The following ZNF331 variants were observed in gnomAD, a reference collection of about 807,000 sequenced individuals.
ZNF331 encodes the protein C2H2-like zinc finger protein rearranged in thyroid adenomas.
A neutral mutation model predicts 7.0 loss-of-function variants in ZNF331; 2 were observed. The observed-to-expected ratio is 0.29, with a 90% CI of 0.12 to 0.90. The LOEUF is 0.90. ZNF331 is among the 40% of genes least tolerant of loss of function. The probability of loss-of-function intolerance (pLI) is 0.58; values close to 1 mark genes in which losing one functional copy is unlikely to be tolerated. For missense variants in ZNF331, 432 were observed against 587.7 expected, an observed-to-expected ratio of 0.74 and a Z score of 2.74; for synonymous variants, 196 against 205.4, an observed-to-expected ratio of 0.95 and a Z score of 0.39.
chr19:53,551,111 T>A (rs2088979627), intron 2 of ZNF331, among the ~76,000 whole-genome samples: 1 of 151,946 alleles, frequency 6.6e-6, no homozygotes, highest in East Asian at 1.9e-4. Flanking sequence ...GATTACAGGC[T>A]TGAGCCACTG....
the ZNF331 span, chr19:53,512,290 C>T: frequency 6.5e-6 from 1 of 153,532 alleles, no homozygotes; most frequent in South Asian, 1.8e-4. Context: ...CCTGGAAGGT[C>T]TGCACCATGG....
At chr19:53,513,762 C>T in the ZNF331 span, among the ~76,000 whole-genome samples, 6 of 152,170 alleles carry the variant, frequency 3.9e-5, no homozygotes, top group Non-Finnish European at 8.8e-5. Context: ...CGTGATTAGC[C>T]GCCACACCTG....
At chr19:53,532,480 C>G (rs1173846453) in intron 2 of ZNF331, among the ~76,000 whole-genome samples, 2 of 152,200 alleles carry the variant, frequency 1.3e-5, no homozygotes, top group African/African-American at 4.8e-5. Context: ...TTACCCATTC[C>G]TCTACAGATT....
chr19:53,546,012 G>A (rs1433385405), intron 2 of ZNF331, among the ~76,000 whole-genome samples: 2 of 151,946 alleles, frequency 1.3e-5, no homozygotes, highest in African/African-American at 4.8e-5. Context: ...ATTGGTTTCG[G>A]CTGTGGCCTG....
At position 53,546,882 on chromosome 19, in the gene ZNF331, C is replaced by T. The variant is rs183826201; in HGVS notation, c.-138+7600C>T. On this transcript the variant is annotated intron_variant, in intron 2 of 5. Transcript: ENST00000449416. ...CAGCTTCTGTTTTTCTTCAGTTCCC[C>T]GTTTGTGTGAACTGTGAGAAACCAT... is the stretch of plus-strand genomic sequence containing the variant. 1.9e-3 allele frequency among the ~76,000 whole-genome samples: 287 copies of T among 152,162 alleles called. 1 individual carries two copies. Among genetic ancestry groups the T allele is most frequent in the African/African-American group, 6.7e-3 (276 of 41,482 alleles).
In ZNF331 at chr19:53,571,544, T is replaced by C; in HGVS notation, c.10-60T>C. 6.3e-7 allele frequency: 1 copy of C among 1,595,820 alleles called. No individual in the cohort carries two copies. The highest frequency in any genetic ancestry group is 8.5e-7 in the Non-Finnish European group (1 of 1,171,134). ...CCTACCCAGAGGGTGGCCTCCTGTCTCCTTCATCTGGAAGCTGTTTCCTTT... is the reference window on the plus strand; with the variant it reads ...CCTACCCAGAGGGTGGCCTCCTGTCCCCTTCATCTGGAAGCTGTTTCCTTT... On this transcript the variant is annotated intron_variant, in intron 4 of 5. Transcript: ENST00000449416. The surrounding 1 kb of genome is among the most constrained non-coding windows in gnomAD (Gnocchi z 4.7).
At chr19:53,559,685 C>T (rs1600405034) in intron 3 of ZNF331, among the ~76,000 whole-genome samples, 1 of 150,150 alleles carries the variant, frequency 6.7e-6, no homozygotes, top group East Asian at 2.0e-4. Flanking sequence ...AAACCATACA[C>T]ACATATACAC....
At chr19:53,547,421 T>C (rs999451979) in intron 2 of ZNF331, among the ~76,000 whole-genome samples, 1 of 152,216 alleles carries the variant, frequency 6.6e-6, no homozygotes. Flanking sequence ...ACACTTTCTT[T>C]ATTAATTCCT....
intron 2 of ZNF331, among the ~76,000 whole-genome samples, chr19:53,544,387 T>C (rs561517430): frequency 7.0e-5 from 10 of 142,326 alleles, no homozygotes; most frequent in Middle Eastern, 3.9e-3. Context: ...CTACTAAAAA[T>C]ACAAAAAATT....
the ZNF331 span, among the ~76,000 whole-genome samples, chr19:53,508,263 CAGA>C: frequency 6.6e-6 from 1 of 152,284 alleles, no homozygotes; most frequent in African/African-American, 2.4e-5. Context: ...CCATTCCTGG[CAGA>C]ATGAGTGCAT....
intron 2 of ZNF331, chr19:53,523,554 C>G (rs752486653): frequency 6.6e-6 from 1 of 151,882 alleles, no homozygotes; most frequent in Non-Finnish European, 1.5e-5. Context: ...TTTTTTCACA[C>G]TCTTGAGTTG....
chr19:53,546,427 C>T (rs1180029584), intron 2 of ZNF331, among the ~76,000 whole-genome samples: 1 of 151,960 alleles, frequency 6.6e-6, no homozygotes, highest in African/African-American at 2.4e-5. Flanking sequence ...CTCTCTGTAC[C>T]CCCTGGTTGA....
chr19:53,556,956 C>T (rs572481566), intron 3 of ZNF331, among the ~76,000 whole-genome samples: 31 of 146,384 alleles, frequency 2.1e-4, no homozygotes, highest in Non-Finnish European at 3.4e-4. Context: ...CAGGTGTGAG[C>T]CACCACACCT....
At chr19:53,566,937 C>G (rs1396342148) in intron 3 of ZNF331, among the ~76,000 whole-genome samples, 2 of 151,964 alleles carry the variant, frequency 1.3e-5, no homozygotes, top group African/African-American at 4.8e-5. Flanking sequence ...CTCTCTCCTC[C>G]TCTCCCTCTC....
chr19:53,505,745 G>A, the ZNF331 span, among the ~76,000 whole-genome samples: 2 of 152,272 alleles, frequency 1.3e-5, no homozygotes, highest in Non-Finnish European at 2.9e-5. Context: ...CCAGCGCTTT[G>A]GAAGGCCAAG....
At chr19:53,555,751 G>A (rs932395625) in intron 2 of ZNF331, 94 bp from the exon 3 acceptor site, 1 of 152,094 alleles carries the variant, frequency 6.6e-6, no homozygotes, top group Non-Finnish European at 1.5e-5. Context: ...GTGCTCTTCA[G>A]GAATCTCCCA....
intron 2 of ZNF331, among the ~76,000 whole-genome samples, chr19:53,524,608 G>T (rs781231325): frequency 2.0e-4 from 31 of 151,864 alleles, no homozygotes; most frequent in East Asian, 5.8e-4. Context: ...TTTTGATGGG[G>T]TTTTTTGTTT....
intron 2 of ZNF331, among the ~76,000 whole-genome samples, chr19:53,549,892 C>A (rs1043699880): frequency 6.6e-6 from 1 of 151,992 alleles, no homozygotes; most frequent in African/African-American, 2.4e-5. Context: ...TATAAACTTC[C>A]GGCTTAGAAC....
At chr19:53,514,658 T>TTTTA (rs2086855411), upstream of ZNF331, among the ~76,000 whole-genome samples, 1 of 127,652 alleles carries the variant, frequency 7.8e-6, no homozygotes, top group African/African-American at 3.0e-5. Flanking sequence ...TCTCCTTTTT[T>TTTTA]TTTTTTTTTT....
Sources: allele counts gnomAD v4.1 joint callset (sites outside exome capture counted in the v4.1 genomes callset), GRCh38; gene constraint gnomAD v4.1.1; non-coding constraint Gnocchi (gnomAD v3.1); transcripts MANE v1.5; gene names NCBI Gene and HGNC (gene_info 2026-07-23, HGNC 2026-07-21).